Variants in CC2D2B observed in about 807,000 individuals in gnomAD.
The protein encoded by CC2D2B is protein CC2D2B.
Under a neutral mutation model 161.2 loss-of-function variants are expected in CC2D2B, and 128 were observed. The observed-to-expected ratio is 0.79, with a 90% CI of 0.69 to 0.92. The LOEUF (loss-of-function observed/expected upper bound fraction) is 0.92. CC2D2B is among the 40% of genes least tolerant of loss of function. The pLI, the probability that CC2D2B is intolerant of heterozygous loss-of-function variation, is 0.00. For synonymous variants in CC2D2B, 391 were observed against 449.8 expected (o/e 0.87, Z 1.65); for missense variants, 1,173 against 1,375.1 (o/e 0.85, Z 2.32).
intron 15 of CC2D2B, among the ~76,000 whole-genome samples, chr10:95,969,652 T>C (rs2077054669): frequency 6.6e-6 from 1 of 152,172 alleles, no homozygotes; most frequent in Non-Finnish European, 1.5e-5. Flanking sequence ...TCCTGATAGA[T>C]GTTCTATTCA....
intron 21 of CC2D2B, among the ~76,000 whole-genome samples, chr10:95,991,675 G>A (rs2077963158): frequency 6.6e-6 from 1 of 152,028 alleles, no homozygotes; most frequent in African/African-American, 2.4e-5. Flanking sequence ...ATAGTATTTG[G>A]GGGCAGTTTT....
At chr10:95,999,853 GGT>G in intron 24 of CC2D2B, 1 of 484,820 alleles carries the variant, frequency 2.1e-6, no homozygotes, top group South Asian at 1.8e-5. Context: ...TGCTTCTCTG[GGT>G]GAAGCAGGCT....
At chr10:95,920,000 A>C (rs2098523697) in intron 2 of CC2D2B, 1 of 151,678 alleles carries the variant, frequency 6.6e-6, no homozygotes, top group Admixed American at 6.6e-5. Context: ...TCAAGGCCCA[A>C]GGGGTTTTTA....
Position 95,972,328 on chromosome 10 carries a change from T to G in CC2D2B, c.1795+112T>G, listed in dbSNP as rs183374726. The G allele has an allele frequency of 3.5e-5, 26 of 744,636 alleles. No individual in the cohort carries two copies. The African/African-American group carries it at 4.6e-4, about 13-fold the overall frequency. The allele number at this position is 744,636 out of a possible 1,614,324, so 46.1% of individuals were successfully genotyped here. On this transcript the variant is annotated intron_variant, in intron 16 of 34. Coordinates refer to ENST00000646931, the MANE Select transcript of CC2D2B (RefSeq NM_001349008.3). Reference sequence around the variant, plus strand: ...AAAATCCTGTATTTACAATATTCTTTTTTGTTTGTTTGTTTGTTTGAGACA... The same window carrying G: ...AAAATCCTGTATTTACAATATTCTTGTTTGTTTGTTTGTTTGTTTGAGACA...
At chr10:95,944,137 T>C (rs577634065) in intron 9 of CC2D2B, among the ~76,000 whole-genome samples, 2 of 152,296 alleles carry the variant, frequency 1.3e-5, no homozygotes, top group East Asian at 1.9e-4. Context: ...ACTCATCACC[T>C]CAGTCACTGT....
intron 9 of CC2D2B, among the ~76,000 whole-genome samples, chr10:95,939,886 T>C (rs184240600): frequency 6.6e-6 from 1 of 152,314 alleles, no homozygotes; most frequent in Non-Finnish European, 1.5e-5. Flanking sequence ...CCTCATATAA[T>C]GTACTCTATG....
intron 10 of CC2D2B, among the ~76,000 whole-genome samples, chr10:95,954,132 A>G (rs1342588525): frequency 6.6e-6 from 1 of 152,206 alleles, no homozygotes; most frequent in Non-Finnish European, 1.5e-5. Context: ...ATAGTGTCTG[A>G]CAGACCAAAA....
intron 15 of CC2D2B, among the ~76,000 whole-genome samples, chr10:95,969,140 C>T (rs1358332083): frequency 7.2e-6 from 1 of 138,242 alleles, no homozygotes; most frequent in Non-Finnish European, 1.7e-5. Flanking sequence ...AAAATTTCTG[C>T]ACCCCTGGAT....
chr10:95,961,910 T>G lies in CC2D2B; in HGVS notation c.1191T>G (p.Ile397Met), dbSNP rs2076774459. 1 of 1,231,378 alleles carries G rather than the reference T, an allele frequency of 8.1e-7. No individual in the cohort carries two copies. The highest frequency in any genetic ancestry group is 1.6e-5 in the African/African-American group (1 of 64,356). The allele number at this position is 1,231,378 out of a possible 1,614,324, so 76.3% of individuals were successfully genotyped here. A position where few individuals can be genotyped will look rare whatever the true frequency, so the allele number is the denominator to read the frequency against. Residue 397 changes from isoleucine to methionine, a missense_variant, in exon 12 of 35, where the codon ATT (isoleucine) becomes ATG (methionine). Transcript: ENST00000646931. ...LHSILRTWKQ[I>M]KSLRHGQGFT... ...GTATATTACGAACTTGGAAACAGAT[T>G]AAATCTCTTCGACATGGGCAAGGGT...
At chr10:95,967,447 G>A (rs532293840) in intron 14 of CC2D2B, among the ~76,000 whole-genome samples, 1 of 150,118 alleles carries the variant, frequency 6.7e-6, no homozygotes, top group African/African-American at 2.4e-5. Context: ...ATTGCCATCC[G>A]ATAGCATTGC....
At chr10:95,920,325 A>G in intron 2 of CC2D2B, 1 of 156,744 alleles carries the variant, frequency 6.4e-6, no homozygotes. Flanking sequence ...GGCGAAGGGG[A>G]AGCAAGGACC....
At chr10:95,989,452 T>C (rs1433005920) in intron 20 of CC2D2B, among the ~76,000 whole-genome samples, 1 of 152,172 alleles carries the variant, frequency 6.6e-6, no homozygotes, top group African/African-American at 2.4e-5. Context: ...TTTTTCCCAC[T>C]CATCCCCTGC....
At chr10:95,995,704 T>A (rs1453883505) in intron 23 of CC2D2B, among the ~76,000 whole-genome samples, 4 of 152,240 alleles carry the variant, frequency 2.6e-5, no homozygotes, top group African/African-American at 4.8e-5. Flanking sequence ...TGGAATGGCC[T>A]CGACGCATAT....
At chr10:95,972,974 A>G (rs896816019) in intron 16 of CC2D2B, among the ~76,000 whole-genome samples, 9 of 152,134 alleles carry the variant, frequency 5.9e-5, no homozygotes, top group African/African-American at 2.2e-4. Flanking sequence ...TTGTTTTTCA[A>G]TTGATTTTAC....
chr10:95,936,246 G>A (rs2075816805), intron 6 of CC2D2B, among the ~76,000 whole-genome samples: 3 of 152,178 alleles, frequency 2.0e-5, no homozygotes, highest in African/African-American at 7.2e-5. Context: ...GAGCTGTTTA[G>A]AGAAGTTGTT....
Position 96,019,197 on chromosome 10 carries a change from A to C in CC2D2B, c.3631-6A>C. 1.3e-6 allele frequency: 2 copies of C among 1,579,238 alleles called. No homozygotes were observed. Among genetic ancestry groups the C allele is most frequent in the Non-Finnish European group, 1.7e-6 (2 of 1,167,214 alleles). ...ACCAAAAATTACTTTCTTTTTTCTC[A>C]TACAGGGGCATGTGGCTTATGTAGT... On this transcript the variant is annotated splice_region_variant and splice_polypyrimidine_tract_variant and intron_variant, in intron 30 of 34. Transcript: ENST00000646931.
At position 96,024,871 on chromosome 10, in the gene CC2D2B, T is replaced by C; in HGVS notation, c.3907T>C (p.Phe1303Leu). Residue 1303 changes from phenylalanine to leucine, a missense_variant, in exon 33 of 35, where the codon TTT becomes CTT. Transcript: ENST00000646931. ...QSIQPEEIIY[F>L]ETDKSMVEDL... ...ATTTCAGCCTGAAGAAATAATTTAT[T>C]TTGAAACTGATAAAAGCATGGTAGA... is the stretch of plus-strand genomic sequence containing the variant. The C allele has an allele frequency of 2.0e-6, 3 of 1,525,504 alleles. No homozygotes were observed. The highest frequency in any genetic ancestry group is 2.7e-6 in the Non-Finnish European group (3 of 1,124,882). The allele number at this position is 1,525,504 out of a possible 1,614,324, so 94.5% of individuals were successfully genotyped here. A position where few individuals can be genotyped will look rare whatever the true frequency, so the allele number is the denominator to read the frequency against.
chr10:95,931,609 T>C (rs2098550148), intron 6 of CC2D2B, among the ~76,000 whole-genome samples: 1 of 152,178 alleles, frequency 6.6e-6, no homozygotes. Flanking sequence ...TTCAAATAAC[T>C]TATTTATTTC....
rs868389879 is a variant in CC2D2B at position 96,019,108 on chromosome 10, A to C, written c.3631-95A>C. On this transcript the variant is annotated intron_variant, in intron 30 of 34. Transcript: ENST00000646931. ...AGGTATAAGCCACCACACTCCACTA[A>C]AAAAGGCTTTAAAAATTAGAATCAT... 6.3e-6 allele frequency: 7 copies of C among 1,113,452 alleles called. No homozygotes were observed. The South Asian group carries it at 1.2e-4, about 19-fold the overall frequency. 69.0% of individuals were successfully genotyped at this position (1,113,452 alleles called of 1,614,324 possible).
Sources: allele counts gnomAD v4.1 joint callset (sites outside exome capture counted in the v4.1 genomes callset), GRCh38; gene constraint gnomAD v4.1.1; transcripts MANE v1.5; gene names NCBI Gene and HGNC (gene_info 2026-07-23, HGNC 2026-07-21).